Variants in LRRC17 observed in about 807,000 individuals in gnomAD.
LRRC17 encodes leucine rich repeat containing 17.
LRRC17 carries 33 observed loss-of-function variants against 41.5 expected under a neutral mutation model. The observed-to-expected ratio is 0.80, with a 90% CI of 0.60 to 1.06. The LOEUF (loss-of-function observed/expected upper bound fraction) is 1.06, where lower values mean the gene tolerates loss of function less well. LRRC17 is among the 50% of genes least tolerant of loss of function. The pLI, the probability that LRRC17 is intolerant of heterozygous loss-of-function variation, is 0.00. For missense variants in LRRC17, 491 were observed against 519.3 expected, an observed-to-expected ratio of 0.95 and a Z score of 0.53; for synonymous variants, 192 against 197.0, an observed-to-expected ratio of 0.97 and a Z score of 0.21.
In LRRC17 at chr7:102,933,885, G is replaced by A. The variant is rs1185837608; in HGVS notation, c.-29G>A. 1.8e-5 allele frequency: 28 copies of A among 1,563,524 alleles called. No individual in the cohort carries two copies. The highest frequency in any genetic ancestry group is 1.5e-4 in the Admixed American group (8 of 52,992). The stretch of plus-strand genomic sequence containing the variant: ...ACTTTCATTGTTCCGTCTGTAACAC[G>A]AAGTAATTGGGGCCAGCTGGATGTC... On this transcript the variant is annotated 5_prime_UTR_variant, in exon 2 of 4. Coordinates refer to ENST00000339431, the MANE Select transcript of LRRC17 (RefSeq NM_001031692.3).
At chr7:102,941,740 G>T (rs1413151717) in intron 3 of LRRC17, among the ~76,000 whole-genome samples, 16 of 149,582 alleles carry the variant, frequency 1.1e-4, no homozygotes, top group Non-Finnish European at 1.3e-4. Context: ...AAGTTTTAAA[G>T]CTGTCTCAAA....
At chr7:102,919,651 A>T (rs1443682236) in intron 1 of LRRC17, among the ~76,000 whole-genome samples, 1 of 152,234 alleles carries the variant, frequency 6.6e-6, no homozygotes, top group East Asian at 1.9e-4. Context: ...AACCTGAAAT[A>T]TCAAAGTTTA....
intron 3 of LRRC17, among the ~76,000 whole-genome samples, chr7:102,941,747 C>CAA (rs111478330): frequency 3.0e-4 from 39 of 131,372 alleles, no homozygotes; most frequent in African/African-American, 1.1e-3. Flanking sequence ...AAAGCTGTCT[C>CAA]AAAAAAAAAA....
rs79414737 is a variant in LRRC17 at position 102,921,729 on chromosome 7, G to A, written c.-141+8584G>A. On this transcript the variant is annotated intron_variant, in intron 1 of 3. Coordinates refer to ENST00000339431, the MANE Select transcript of LRRC17 (RefSeq NM_001031692.3). The stretch of plus-strand genomic sequence containing the variant: ...AAGAAGCTCTGTTTTAAGCATCCAC[G>A]GATGATTTTTGGAAATTAATTATAA... Among the ~76,000 whole-genome samples the A allele has an allele frequency of 0.013, 1,962 of 152,048 alleles. 92 individuals carry two copies. In the East Asian group the frequency reaches 0.16, roughly 12 times the overall value.
At chr7:102,924,148 G>T (rs2129471452) in intron 1 of LRRC17, among the ~76,000 whole-genome samples, 1 of 150,422 alleles carries the variant, frequency 6.6e-6, no homozygotes, top group East Asian at 2.0e-4. Flanking sequence ...TGAGGCAGGA[G>T]AATTGCTTGA....
chr7:102,943,541 G>T (rs1821879457), intron 3 of LRRC17, among the ~76,000 whole-genome samples: 1 of 152,112 alleles, frequency 6.6e-6, no homozygotes, highest in African/African-American at 2.4e-5. Flanking sequence ...AGTAACGAAA[G>T]AAACACTTTC....
rs75911086 is a variant in LRRC17 at position 102,937,902 on chromosome 7, A to G, written c.773-1528A>G. Among the ~76,000 whole-genome samples the G allele has an allele frequency of 3.7e-3, 569 of 152,264 alleles. 5 individuals are homozygous for G. Among genetic ancestry groups the G allele is most frequent in the African/African-American group, 0.014 (562 of 41,552 alleles). The stretch of plus-strand genomic sequence containing the variant: ...AGAGAACTTGCATACAGATTCCCCA[A>G]CTCGGAGTTGAGACTTGCCCAGCTG... On this transcript the variant is annotated intron_variant, in intron 2 of 3. Coordinates refer to ENST00000339431, the MANE Select transcript of LRRC17 (RefSeq NM_001031692.3).
chr7:102,934,577 C>T lies in LRRC17; in HGVS notation c.664C>T (p.Pro222Ser). The stretch of plus-strand genomic sequence containing the variant: ...TGAAGAAGAAAAGGAACAATTGGAC[C>T]CGAAACCCCAAGTGTCAGGGAGACC... ...CNEEEKEQLDPKPQVSGRPPV... is the reference protein window; with the variant it reads ...CNEEEKEQLDSKPQVSGRPPV... Residue 222 changes from proline (P) to serine (S), a missense_variant, in exon 2 of 4, where the codon CCG becomes TCG. By Grantham distance (74) the Pro-to-Ser change is moderately conservative. Transcript: ENST00000339431. 1 of 1,613,944 alleles carries T rather than the reference C, an allele frequency of 6.2e-7. No individual in the cohort carries two copies. The highest frequency in any genetic ancestry group is 8.5e-7 in the Non-Finnish European group (1 of 1,179,950).
rs141714405 is a variant in LRRC17 at position 102,934,029 on chromosome 7, G to C, written c.116G>C (p.Arg39Pro). ...RVNHGRAGGG[R>P]RGSNPVKRYA... The stretch of plus-strand genomic sequence containing the variant: ...AATCATGGCCGGGCGGGTGGAGGCC[G>C]GAGAGGCTCCAACCCGGTCAAACGC... The change falls in exon 2 of 4, where the codon CGG becomes CCG. Residue 39 changes from arginine to proline, a missense_variant. Transcript: ENST00000339431. 136 of 1,613,952 alleles carry C rather than the reference G, an allele frequency of 8.4e-5. No homozygotes were observed. The highest frequency in any genetic ancestry group is 1.1e-4 in the Non-Finnish European group (135 of 1,179,938).
rs1822147997 is a variant in LRRC17 at position 102,944,698 on chromosome 7, T to C, written c.*91T>C. 4 of 1,168,068 alleles carry C rather than the reference T, an allele frequency of 3.4e-6. No homozygotes were observed. The highest frequency in any genetic ancestry group is 1.2e-6 in the Non-Finnish European group (1 of 841,408). 72.4% of individuals were successfully genotyped at this position (1,168,068 alleles called of 1,614,324 possible). A position where few individuals can be genotyped will look rare whatever the true frequency, so the allele number is the denominator to read the frequency against. ...TACATTTGATTAACTGTGTTGCCTA[T>C]TTATGCAGGGTAATCCAGCTAAAGG... is the stretch of plus-strand genomic sequence containing the variant. On this transcript the variant is annotated 3_prime_UTR_variant, in exon 4 of 4. Coordinates refer to ENST00000339431, the MANE Select transcript of LRRC17 (RefSeq NM_001031692.3).
chr7:102,913,068 G>A lies in LRRC17; in HGVS notation c.-218G>A, dbSNP rs1310094378. On this transcript the variant is annotated 5_prime_UTR_variant, in exon 1 of 4. Transcript: ENST00000339431. ...ACTTCCTCACACACCGCAGCAAAGA[G>A]AAGACTGAAAGACAAACCTGGGTGC... 2 of 1,613,928 alleles carry A rather than the reference G, an allele frequency of 1.2e-6. No individual in the cohort carries two copies. Among genetic ancestry groups the A allele is most frequent in the Non-Finnish European group, 1.7e-6 (2 of 1,179,984 alleles).
chr7:102,916,294 G>C (rs1463346097), intron 1 of LRRC17, among the ~76,000 whole-genome samples: 1 of 152,110 alleles, frequency 6.6e-6, no homozygotes, highest in South Asian at 2.1e-4. Flanking sequence ...GCCGAGATGA[G>C]TTTTTTATAT....
chr7:102,924,041 G>A (rs547532066), intron 1 of LRRC17, among the ~76,000 whole-genome samples: 1 of 151,866 alleles, frequency 6.6e-6, no homozygotes, highest in East Asian at 1.9e-4. Context: ...GGAGTTTGAG[G>A]CCAGCCCGAC....
chr7:102,926,942 A>G (rs1168397122), intron 1 of LRRC17, among the ~76,000 whole-genome samples: 1 of 152,182 alleles, frequency 6.6e-6, no homozygotes, highest in Admixed American at 6.5e-5. Context: ...GATGGCTAAA[A>G]TAAAATAGAG....
At chr7:102,916,811 CTCTT>C (rs1411125360) in intron 1 of LRRC17, among the ~76,000 whole-genome samples, 1 of 151,156 alleles carries the variant, frequency 6.6e-6, no homozygotes, top group Non-Finnish European at 1.5e-5. Flanking sequence ...TGTGAGTCCT[CTCTT>C]TGTGATTTAT....
intron 3 of LRRC17, chr7:102,942,444 C>CT: frequency 9.7e-7 from 1 of 1,032,234 alleles, no homozygotes; most frequent in Non-Finnish European, 1.4e-6. Flanking sequence ...AGAAGATACC[C>CT]TACTAGGGGG....
chr7:102,934,816 A>G (rs1819975518), intron 2 of LRRC17, 131 bp downstream of exon 2: 1 of 866,052 alleles, frequency 1.2e-6, no homozygotes, highest in South Asian at 1.9e-5. Context: ...TTCCCTATTG[A>G]CAATGGAATT....
At position 102,934,432 on chromosome 7, in the gene LRRC17, G is replaced by C; in HGVS notation, c.519G>C (p.Thr173=). Residue 173 remains threonine (T), a synonymous_variant, in exon 2 of 4, where the codon ACG becomes ACC. Coordinates refer to ENST00000339431, the MANE Select transcript of LRRC17 (RefSeq NM_001031692.3). ...GGCACTGTACTTGTGAGATAGAAACGCTTATTTCAATGTTGCAGATTCCCA... is the reference window on the plus strand; with the variant it reads ...GGCACTGTACTTGTGAGATAGAAACCCTTATTTCAATGTTGCAGATTCCCA... The part of the protein sequence containing the change: ...NPWHCTCEIE[T]LISMLQIPRN... 1 of 1,614,162 alleles carries C rather than the reference G, an allele frequency of 6.2e-7. No homozygotes were observed. Among genetic ancestry groups the C allele is most frequent in the Non-Finnish European group, 8.5e-7 (1 of 1,180,028 alleles).
At chr7:102,942,899 TGTGA>T (rs1585061273) in intron 3 of LRRC17, among the ~76,000 whole-genome samples, 1 of 152,198 alleles carries the variant, frequency 6.6e-6, no homozygotes, top group East Asian at 1.9e-4. Flanking sequence ...ACAAAATATT[TGTGA>T]GTATTTCTGG....
Sources: gnomAD v4.1 joint callset for allele counts (sites outside exome capture counted in the v4.1 genomes callset) on GRCh38, gnomAD v4.1.1 for gene constraint, MANE v1.5 for transcripts, NCBI Gene and HGNC (gene_info 2026-07-23, HGNC 2026-07-21) for gene names.